MYZAP: variants seen among roughly 807,000 people sequenced by gnomAD.
MYZAP encodes the protein GRINL1A complex locus upstream.
A neutral mutation model predicts 69.4 loss-of-function variants in MYZAP; 66 were observed. The ratio of observed to expected loss-of-function variants is 0.95; its 90% CI spans 0.78 to 1.17. The LOEUF (loss-of-function observed/expected upper bound fraction) is 1.17, where lower values mean the gene tolerates loss of function less well. MYZAP is among the 50% of genes most tolerant of loss of function. The pLI, the probability that MYZAP is intolerant of heterozygous loss-of-function variation, is 0.00. For missense variants in MYZAP, 611 were observed against 556.2 expected, an observed-to-expected ratio of 1.10 and a Z score of -0.99; for synonymous variants, 256 against 205.9, an observed-to-expected ratio of 1.24 and a Z score of -2.09.
chr15:57,654,387 A>C (rs2037900615), intron 10 of MYZAP, among the ~76,000 whole-genome samples: 1 of 152,130 alleles, frequency 6.6e-6, no homozygotes, highest in Non-Finnish European at 1.5e-5. Flanking sequence ...GATTCTACAC[A>C]TGACACTCCC....
chr15:57,659,330 A>C (rs2038162004), intron 10 of MYZAP, among the ~76,000 whole-genome samples: 1 of 152,124 alleles, frequency 6.6e-6, no homozygotes, highest in Non-Finnish European at 1.5e-5. Context: ...TAGAGACCAC[A>C]ATCTGCACAT....
intron 11 of MYZAP, among the ~76,000 whole-genome samples, chr15:57,672,982 T>C (rs1424197345): frequency 1.3e-5 from 2 of 152,192 alleles, no homozygotes; most frequent in African/African-American, 4.8e-5. Context: ...TCCTCAAGGG[T>C]TGCAAATCAT....
intron 1 of MYZAP, among the ~76,000 whole-genome samples, chr15:57,593,214 A>ACACACACACACACACCCC (rs1172761785): frequency 3.6e-4 from 51 of 141,428 alleles, no homozygotes; most frequent in African/African-American, 5.3e-4. Flanking sequence ...ACACACACAC[A>ACACACACACACACACCCC]CCCCAGAATC....
intron 1 of MYZAP, among the ~76,000 whole-genome samples, chr15:57,594,753 A>T (rs1321417223): frequency 9.9e-5 from 15 of 152,216 alleles, no homozygotes; most frequent in African/African-American, 3.6e-4. Flanking sequence ...CTTTATCATG[A>T]TGGCAAATTG....
At chr15:57,637,404 C>T (rs553077076) in intron 8 of MYZAP, among the ~76,000 whole-genome samples, 1 of 152,260 alleles carries the variant, frequency 6.6e-6, no homozygotes, top group African/African-American at 2.4e-5. Flanking sequence ...TATTGATAAT[C>T]AGTATTTGGG....
chr15:57,629,661 C>G (rs7171850), intron 5 of MYZAP, 41 bp from the exon 6 acceptor site: 15 of 1,594,348 alleles, frequency 9.4e-6, no homozygotes, highest in Non-Finnish European at 1.3e-5. Context: ...TGTGTTTTCA[C>G]GCCACCGGAT....
chr15:57,674,960 A>G lies in MYZAP; in HGVS notation c.1204-8A>G, dbSNP rs772793648. 6.2e-7 allele frequency: 1 copy of G among 1,601,840 alleles called. No homozygotes were observed. The highest frequency in any genetic ancestry group is 8.5e-7 in the Non-Finnish European group (1 of 1,176,072). ...CTTACTGAAAGTACCTTTTTTTCTC[A>G]TCTCCAGAATAATGAACTACAAAGC... On this transcript the variant is annotated splice_region_variant and splice_polypyrimidine_tract_variant and intron_variant, in intron 11 of 12. Coordinates refer to ENST00000267853, the MANE Select transcript of MYZAP (RefSeq NM_001018100.5).
intron 8 of MYZAP, 22 bp downstream of exon 8, chr15:57,633,763 A>G: frequency 6.6e-7 from 1 of 1,509,406 alleles, no homozygotes; most frequent in South Asian, 1.5e-5. Flanking sequence ...CGTTGGGCCT[A>G]TTGCCCACTT....
At position 57,674,977 on chromosome 15, in the gene MYZAP, C is replaced by G. The variant is rs1480545700; in HGVS notation, c.1213C>G (p.Leu405Val). 2 of 1,612,414 alleles carry G rather than the reference C, an allele frequency of 1.2e-6. No homozygotes were observed. The highest frequency in any genetic ancestry group is 1.7e-6 in the Non-Finnish European group (2 of 1,179,186). The part of the protein sequence containing the change: ...ISFLEGENNE[L>V]QSRLDYLTET... ...TTTTTCTCATCTCCAGAATAATGAACTACAAAGCAGGTTGGACTATTTAAC... is the reference window on the plus strand; with the variant it reads ...TTTTTCTCATCTCCAGAATAATGAAGTACAAAGCAGGTTGGACTATTTAAC... Residue 405 changes from leucine (L) to valine (V), a missense_variant, in exon 12 of 13, where the codon CTA (leucine) becomes GTA (valine). Coordinates refer to ENST00000267853, the MANE Select transcript of MYZAP (RefSeq NM_001018100.5).
At chr15:57,596,822 C>G (rs2140312927) in intron 1 of MYZAP, among the ~76,000 whole-genome samples, 1 of 152,308 alleles carries the variant, frequency 6.6e-6, no homozygotes, top group Middle Eastern at 3.4e-3. Flanking sequence ...TCATGTTTCT[C>G]CTCTGATGAG....
At chr15:57,616,467 G>A (rs1199280645) in intron 2 of MYZAP, among the ~76,000 whole-genome samples, 3 of 152,208 alleles carry the variant, frequency 2.0e-5, no homozygotes, top group South Asian at 2.1e-4. Flanking sequence ...ATGAAACCCC[G>A]TCTCTACTGA....
chr15:57,614,058 C>A (rs1010577098), intron 2 of MYZAP, among the ~76,000 whole-genome samples: 1 of 152,138 alleles, frequency 6.6e-6, no homozygotes. Context: ...AAAATGATAG[C>A]CATCTATGCT....
intron 10 of MYZAP, among the ~76,000 whole-genome samples, chr15:57,653,952 C>T (rs1595914176): frequency 8.4e-6 from 1 of 118,736 alleles, no homozygotes; most frequent in East Asian, 3.1e-4. Context: ...CTGCCGTGAG[C>T]TATGATTGTA....
At chr15:57,618,324 G>A (rs2035605753) in intron 3 of MYZAP, 136 bp downstream of exon 3, 1 of 1,365,490 alleles carries the variant, frequency 7.3e-7, no homozygotes, top group Non-Finnish European at 9.8e-7. Context: ...GGCTGGAAAT[G>A]TTTCTGTGTA....
chr15:57,680,839 A>G (rs1412002638), intron 12 of MYZAP: 1 of 152,250 alleles, frequency 6.6e-6, no homozygotes, highest in Non-Finnish European at 1.5e-5. Context: ...TGCAAAGACC[A>G]GAACACAAAG....
intron 12 of MYZAP, among the ~76,000 whole-genome samples, chr15:57,682,996 C>T (rs1167320514): frequency 3.3e-5 from 5 of 151,996 alleles, no homozygotes; most frequent in African/African-American, 9.7e-5. Context: ...CAGGTCATGG[C>T]GGGAAGGGAG....
At chr15:57,682,266 A>T (rs1402715360) in intron 12 of MYZAP, among the ~76,000 whole-genome samples, 9 of 152,126 alleles carry the variant, frequency 5.9e-5, no homozygotes, top group African/African-American at 2.2e-4. Context: ...GATTATGTAG[A>T]TTTTTATGGG....
intron 12 of MYZAP, among the ~76,000 whole-genome samples, chr15:57,679,514 G>A (rs552048966): frequency 1.4e-3 from 209 of 152,150 alleles, no homozygotes; most frequent in African/African-American, 4.6e-3. Context: ...CTCAATATTT[G>A]TTGAATGGAG....
chr15:57,602,018 C>A (rs2034447722), intron 1 of MYZAP, among the ~76,000 whole-genome samples: 2 of 152,084 alleles, frequency 1.3e-5, no homozygotes, highest in African/African-American at 4.8e-5. Flanking sequence ...CAGGTTGGTG[C>A]CACCTGTCAG....
Sources: gnomAD v4.1 joint callset for allele counts (sites outside exome capture counted in the v4.1 genomes callset) on GRCh38, gnomAD v4.1.1 for gene constraint, MANE v1.5 for transcripts, NCBI Gene and HGNC (gene_info 2026-07-23, HGNC 2026-07-21) for gene names.